BDP1: variants seen among roughly 807,000 people sequenced by gnomAD.
The protein encoded by BDP1 is BDP1 general transcription factor IIIB subunit.
Under a neutral mutation model 266.6 loss-of-function variants are expected in BDP1, and 169 were observed. The observed-to-expected ratio is 0.63, with a 90% CI of 0.56 to 0.72. The LOEUF is 0.72. Ranked by LOEUF, BDP1 falls within the 30% of genes least tolerant of loss-of-function variation. The pLI, the probability that BDP1 is intolerant of heterozygous loss-of-function variation, is 0.00. For synonymous variants in BDP1, 1,090 were observed against 1,022.4 expected, an observed-to-expected ratio of 1.07 and a Z score of -1.26; for missense variants, 3,015 against 3,053.8, an observed-to-expected ratio of 0.99 and a Z score of 0.30.
At chr5:71,556,801 T>G in intron 35 of BDP1, 85 bp from the exon 36 acceptor site, 1 of 639,446 alleles carries the variant, frequency 1.6e-6, no homozygotes, top group Non-Finnish European at 2.6e-6. Context: ...CATAGTTTCT[T>G]TACTTAAAGA....
intron 13 of BDP1, among the ~76,000 whole-genome samples, chr5:71,500,711 G>T (rs1303866956): frequency 6.6e-6 from 1 of 151,622 alleles, no homozygotes; most frequent in Non-Finnish European, 1.5e-5. Context: ...TTACACAACT[G>T]AATCATGGTT....
At chr5:71,492,976 C>G (rs1432992531) in intron 11 of BDP1, among the ~76,000 whole-genome samples, 9 of 152,184 alleles carry the variant, frequency 5.9e-5, no homozygotes, top group African/African-American at 2.2e-4. Flanking sequence ...CTCCCTGCAA[C>G]CACTGATAAT....
intron 26 of BDP1, among the ~76,000 whole-genome samples, chr5:71,535,332 G>A (rs1300816435): frequency 6.6e-6 from 1 of 151,892 alleles, no homozygotes; most frequent in Non-Finnish European, 1.5e-5. Context: ...AGCCTCCAGA[G>A]TAGCTGGGAT....
Position 71,486,495 on chromosome 5 carries a change from C to A in BDP1, c.1081C>A (p.Pro361Thr), listed in dbSNP as rs748453098. The change falls in exon 9 of 39, where the codon CCT (proline) becomes ACT (threonine). Residue 361 changes from proline to threonine, a missense_variant. Physicochemically the swap from Pro to Thr is conservative, Grantham distance 38 (BLOSUM62 -1). Coordinates refer to ENST00000358731, the MANE Select transcript of BDP1 (RefSeq NM_018429.3). ...RIDKAFQEKR[P>T]FDFDFFAHLL... Reference sequence around the variant, plus strand: ...TTTTCTTTAAACAGAGGAAAAGCGCCCTTTTGACTTCGATTTTTTTGCTCA... The same window carrying A: ...TTTTCTTTAAACAGAGGAAAAGCGCACTTTTGACTTCGATTTTTTTGCTCA... 6.2e-5 allele frequency: 96 copies of A among 1,536,080 alleles called. No homozygotes were observed. The highest frequency in any genetic ancestry group is 4.7e-5 in the Non-Finnish European group (54 of 1,155,130).
At chr5:71,532,215 A>G (rs1418579745) in intron 25 of BDP1, 93 bp from the exon 26 acceptor site, 2 of 1,045,834 alleles carry the variant, frequency 1.9e-6, no homozygotes, top group Non-Finnish European at 2.8e-6. Context: ...TCTTCATTTT[A>G]GCGTTTCATC....
At chr5:71,507,422 G>A (rs1246180716) in intron 16 of BDP1, among the ~76,000 whole-genome samples, 1 of 152,096 alleles carries the variant, frequency 6.6e-6, no homozygotes, top group African/African-American at 2.4e-5. Context: ...TTGGTGGAAT[G>A]GCAGTTTAAA....
chr5:71,456,112 A>C, intron 1 of BDP1, 23 bp downstream of exon 1: 2 of 1,594,832 alleles, frequency 1.3e-6, no homozygotes, highest in Non-Finnish European at 1.7e-6. Flanking sequence ...AGAGGGAAGA[A>C]TTTTCATTTG....
In BDP1 at chr5:71,501,617, CAG is replaced by C. The variant is rs1437120532; in HGVS notation, c.2022_2023del (p.Asn675SerfsTer4). The C allele has an allele frequency of 1.2e-5, 19 of 1,584,694 alleles. No individual in the cohort carries two copies. Among genetic ancestry groups the C allele is most frequent in the East Asian group, 2.3e-5 (1 of 43,922 alleles). The stretch of plus-strand genomic sequence containing the variant: ...TTGGACATTTTGAGAATGGAGACTA[CAG>C]AGAGAGAGAATCCAGAAGCTGAAAC... On this transcript the variant is annotated frameshift_variant, in exon 14 of 39. Coordinates refer to ENST00000358731, the MANE Select transcript of BDP1 (RefSeq NM_018429.3). LOFTEE classifies it high-confidence loss of function.
chr5:71,551,056 C>G (rs1046422895), intron 34 of BDP1, among the ~76,000 whole-genome samples: 6 of 151,824 alleles, frequency 4.0e-5, no homozygotes, highest in Non-Finnish European at 7.4e-5. Context: ...AGGGAAAATA[C>G]TATTAAATAT....
chr5:71,498,556 T>A (rs1159866112), intron 13 of BDP1, among the ~76,000 whole-genome samples: 1 of 151,094 alleles, frequency 6.6e-6, no homozygotes, highest in Non-Finnish European at 1.5e-5. Context: ...CCCAAGTAGC[T>A]GGGATTACAG....
At chr5:71,481,391 GAAAAAAAAAAA>G (rs58798987) in intron 7 of BDP1, among the ~76,000 whole-genome samples, 3 of 63,860 alleles carry the variant, frequency 4.7e-5, no homozygotes, top group African/African-American at 2.0e-4. Flanking sequence ...TCTCTACAAA[GAAAAAAAAAAA>G]AAAAAAAAAA....
intron 16 of BDP1, 24 bp downstream of exon 16, chr5:71,504,775 T>C (rs1764481108): frequency 6.2e-7 from 1 of 1,605,108 alleles, no homozygotes; most frequent in African/African-American, 1.3e-5. Flanking sequence ...TGTTGATATA[T>C]AATCTTTGGA....
chr5:71,555,691 G>A (rs1743170027), intron 35 of BDP1, among the ~76,000 whole-genome samples: 1 of 152,046 alleles, frequency 6.6e-6, no homozygotes, highest in East Asian at 1.9e-4. Flanking sequence ...CGCCTGCCTC[G>A]GCCTTGCAAA....
At chr5:71,526,711 G>A (rs1307146975) in intron 25 of BDP1, among the ~76,000 whole-genome samples, 70 of 141,900 alleles carry the variant, frequency 4.9e-4, no homozygotes, top group Middle Eastern at 3.9e-3. Context: ...TTTTAAAGAC[G>A]GGGTCTCAGT....
chr5:71,570,463 C>A (rs1429682812), downstream of BDP1, among the ~76,000 whole-genome samples: 1 of 152,196 alleles, frequency 6.6e-6, no homozygotes, highest in African/African-American at 2.4e-5. Context: ...AGGCTCTCTC[C>A]ACTATGGAGA....
chr5:71,563,052 T>A (rs1743791326), intron 38 of BDP1, among the ~76,000 whole-genome samples: 1 of 152,202 alleles, frequency 6.6e-6, no homozygotes, highest in Non-Finnish European at 1.5e-5. Flanking sequence ...TCTTTAAACT[T>A]TTTAAAAACA....
Position 71,566,856 on chromosome 5 carries a change from A to G in BDP1, c.*1971A>G, listed in dbSNP as rs1334665498. The G allele has an allele frequency of 6.6e-6, 1 of 152,246 alleles. No homozygotes were observed. The highest frequency in any genetic ancestry group is 6.5e-5 in the Admixed American group (1 of 15,284). 9.4% of individuals were successfully genotyped at this position (152,246 alleles called of 1,614,324 possible). On this transcript the variant is annotated 3_prime_UTR_variant, in exon 39 of 39. Coordinates refer to ENST00000358731, the MANE Select transcript of BDP1 (RefSeq NM_018429.3). ...CAGTTGGGAAGATATTTTAGAGTCT[A>G]GATAATTATGTTTGTATATTGAAAA... is the stretch of plus-strand genomic sequence containing the variant.
At position 71,510,277 on chromosome 5, in the gene BDP1, C is replaced by T. The variant is rs763504031; in HGVS notation, c.3185C>T (p.Thr1062Met). ...EEVKPLGEME[T>M]DLKATGRDSF... ...GTCAAGCCTCTAGGTGAAATGGAGA[C>T]GGATTTGAAAGCAACTGGAAGAGAC... The change falls in exon 17 of 39, where the codon ACG becomes ATG. Residue 1062 changes from threonine to methionine, a missense_variant. This residue lies in a region of BDP1 where 2,383 missense variants were observed against 2,404.9 expected (regional missense o/e 0.99). Transcript: ENST00000358731. The T allele has an allele frequency of 3.0e-5, 48 of 1,613,314 alleles. 1 individual carries two copies. Among genetic ancestry groups the T allele is most frequent in the South Asian group, 2.5e-4 (23 of 91,046 alleles).
chr5:71,470,087 C>T (rs181412651), intron 6 of BDP1, among the ~76,000 whole-genome samples: 27 of 151,858 alleles, frequency 1.8e-4, no homozygotes, highest in African/African-American at 5.8e-4. Context: ...GTGACCCACC[C>T]GCCTCAGCCT....
Sources: gnomAD v4.1 joint callset for allele counts (sites outside exome capture counted in the v4.1 genomes callset) on GRCh38, gnomAD v4.1.1 for gene constraint, gnomAD v4.1.1 regional missense constraint, MANE v1.5 for transcripts, NCBI Gene and HGNC (gene_info 2026-07-23, HGNC 2026-07-21) for gene names.